PCNT: variants seen among roughly 807,000 people sequenced by gnomAD.
PCNT encodes pericentrin.
Under a neutral mutation model 380.4 loss-of-function variants are expected in PCNT, and 319 were observed. That is an observed-to-expected ratio of 0.84 (90% CI 0.77 to 0.92). The LOEUF (loss-of-function observed/expected upper bound fraction) is 0.92. PCNT is among the 40% of genes least tolerant of loss of function. PCNT has a pLI of 0.00. For synonymous variants in PCNT, 1,845 were observed against 1,735.2 expected (o/e 1.06, Z -1.57); for missense variants, 4,400 against 4,255.3 (o/e 1.03, Z -0.95).
intron 32 of PCNT, among the ~76,000 whole-genome samples, chr21:46,424,195 G>C (rs2087391564): frequency 6.6e-6 from 1 of 152,218 alleles, no homozygotes; most frequent in Non-Finnish European, 1.5e-5. Context: ...AGGAGGCTGA[G>C]AGGTCCTGAG....
In PCNT at chr21:46,381,736, G is replaced by A; in HGVS notation, c.3208G>A (p.Glu1070Lys). ...AAAGAAAACTGCTTTGCATGAAAAA[G>A]AGGAGACACTTCGGCTTCAGAGTGC... ...SEKKTALHEKEETLRLQSAQA... is the reference protein window; with the variant it reads ...SEKKTALHEKKETLRLQSAQA... Residue 1070 changes from glutamate to lysine, a missense_variant, in exon 16 of 47, where the codon GAG becomes AAG. By Grantham distance (56) the Glu-to-Lys change is moderately conservative (BLOSUM62 1). Coordinates refer to ENST00000359568, the MANE Select transcript of PCNT (RefSeq NM_006031.6). 1.2e-6 allele frequency: 2 copies of A among 1,614,174 alleles called. No homozygotes were observed. Among genetic ancestry groups the A allele is most frequent in the Non-Finnish European group, 1.7e-6 (2 of 1,179,990 alleles).
In PCNT at chr21:46,366,581, C is replaced by T. The variant is rs962689957; in HGVS notation, c.2610-3C>T. Reference sequence around the variant, plus strand: ...CTGTCCTGTGTTCACTTTGTTGCCGCAGGTTTTTAGAGGAACGTAAAGAGA... The same window carrying T: ...CTGTCCTGTGTTCACTTTGTTGCCGTAGGTTTTTAGAGGAACGTAAAGAGA... On this transcript the variant is annotated splice_region_variant and splice_polypyrimidine_tract_variant and intron_variant, in intron 14 of 46. Transcript: ENST00000359568. 3.1e-6 allele frequency: 5 copies of T among 1,613,232 alleles called. No homozygotes were observed. The highest frequency in any genetic ancestry group is 2.7e-5 in the African/African-American group (2 of 74,914).
intron 35 of PCNT, among the ~76,000 whole-genome samples, chr21:46,428,791 G>A (rs2087617655): frequency 6.6e-6 from 1 of 151,988 alleles, no homozygotes; most frequent in Middle Eastern, 3.2e-3. Flanking sequence ...TGGCACGGAG[G>A]CCTCACTCTT....
intron 3 of PCNT, among the ~76,000 whole-genome samples, chr21:46,344,451 G>A (rs1000660873): frequency 1.3e-5 from 2 of 152,226 alleles, no homozygotes; most frequent in Non-Finnish European, 2.9e-5. Context: ...CGCACAGGCA[G>A]CCCTTGTGGA....
intron 14 of PCNT, among the ~76,000 whole-genome samples, chr21:46,365,302 GTTCTATTCAC>G (rs2084863129): frequency 6.9e-6 from 1 of 144,484 alleles, no homozygotes; most frequent in Non-Finnish European, 1.5e-5. Flanking sequence ...CTGCCATGGG[GTTCTATTCAC>G]TGCCATGGGG....
chr21:46,355,718 C>T (rs1464832445), intron 12 of PCNT, 92 bp downstream of exon 12: 5 of 1,277,532 alleles, frequency 3.9e-6, no homozygotes, highest in South Asian at 1.2e-5. Flanking sequence ...GATCCAAGTC[C>T]TCCGTGAAGC....
At position 46,411,520 on chromosome 21, in the gene PCNT, C is replaced by T. The variant is rs756573217; in HGVS notation, c.5447C>T (p.Ala1816Val). 2.5e-6 allele frequency: 4 copies of T among 1,604,524 alleles called. No individual in the cohort carries two copies. The highest frequency in any genetic ancestry group is 2.5e-6 in the Non-Finnish European group (3 of 1,177,034). The change falls in exon 28 of 47, where the codon GCC (alanine) becomes GTC (valine). Residue 1816 changes from alanine to valine, a missense_variant. By Grantham distance (64) the Ala-to-Val change is moderately conservative. Coordinates refer to ENST00000359568, the MANE Select transcript of PCNT (RefSeq NM_006031.6). ...LADQERRHSQALEALQQRLQG... is the reference protein window; with the variant it reads ...LADQERRHSQVLEALQQRLQG... ...GACCAGGAGCGCAGGCACAGCCAGG[C>T]CCTGGAGGCCCTGCAGCAGCGCCTC...
In PCNT at chr21:46,334,417, G is replaced by A; in HGVS notation, c.288G>A (p.Glu96=). The A allele has an allele frequency of 1.2e-5, 19 of 1,614,212 alleles. No homozygotes were observed. Among genetic ancestry groups the A allele is most frequent in the Non-Finnish European group, 1.6e-5 (19 of 1,180,032 alleles). The change falls in exon 3 of 47, where the codon GAG becomes GAA. Residue 96 remains glutamate, a synonymous_variant. Coordinates refer to ENST00000359568, the MANE Select transcript of PCNT (RefSeq NM_006031.6). ...FAAQPEDCDG[E]KREDLEQLQQ... is the part of the protein sequence containing the mutation. ...CTTAGCCGGAGGACTGTGATGGAGA[G>A]AAGAGAGAGGACTTGGAACAGCTGC...
intron 35 of PCNT, among the ~76,000 whole-genome samples, chr21:46,429,674 T>G (rs1450404018): frequency 3.3e-5 from 5 of 152,168 alleles, no homozygotes; most frequent in Non-Finnish European, 7.4e-5. Flanking sequence ...GGGAGAATTT[T>G]CCAGTAAAGC....
At position 46,412,082 on chromosome 21, in the gene PCNT, C is replaced by T. The variant is rs768879717; in HGVS notation, c.5994+15C>T. 30 of 1,602,984 alleles carry T rather than the reference C, an allele frequency of 1.9e-5. No homozygotes were observed. The highest frequency in any genetic ancestry group is 8.8e-5 in the South Asian group (8 of 90,880). On this transcript the variant is annotated intron_variant, in intron 28 of 46. Transcript: ENST00000359568. ...CTGACCCACAGGTGGGCTCCCCCCGCGGGCCATGGCAGGGTATTTTTTTTT... is the reference window on the plus strand; with the variant it reads ...CTGACCCACAGGTGGGCTCCCCCCGTGGGCCATGGCAGGGTATTTTTTTTT...
In PCNT at chr21:46,425,742, C is replaced by T; in HGVS notation, c.7180-89C>T. The stretch of plus-strand genomic sequence containing the variant: ...CACAGCTGCCCGCCCTTCACAGAGT[C>T]CTGGCGGCAGCTCGGGGCCGCAGGT... On this transcript the variant is annotated intron_variant, in intron 32 of 46. Transcript: ENST00000359568. This position sits in a 1 kb window ranked among gnomAD's most constrained non-coding sequence, Gnocchi z 4.2. 2 of 1,585,718 alleles carry T rather than the reference C, an allele frequency of 1.3e-6. No individual in the cohort carries two copies. The highest frequency in any genetic ancestry group is 2.2e-5 in the South Asian group (2 of 90,318).
chr21:46,409,442 C>A (rs1190321257), intron 27 of PCNT, among the ~76,000 whole-genome samples: 1 of 152,308 alleles, frequency 6.6e-6, no homozygotes, highest in East Asian at 1.9e-4. Flanking sequence ...CCTGCCTTGG[C>A]CTCCCAAAGT....
At chr21:46,339,476 A>G (rs1332644822) in intron 3 of PCNT, among the ~76,000 whole-genome samples, 1 of 152,224 alleles carries the variant, frequency 6.6e-6, no homozygotes, top group Non-Finnish European at 1.5e-5. Flanking sequence ...GAGGTCCCAC[A>G]GTAAGCCATC....
In PCNT at chr21:46,390,835, G is replaced by T; in HGVS notation, c.4003+3G>T. On this transcript the variant is annotated splice_donor_region_variant and intron_variant, in intron 20 of 46. Coordinates refer to ENST00000359568, the MANE Select transcript of PCNT (RefSeq NM_006031.6). ...GCTGGAGCTGCACAAGACTCAGGGT[G>T]AGCAGCATGAGGCCTCGGGGCACCT... 6.2e-7 allele frequency: 1 copy of T among 1,606,938 alleles called. No individual in the cohort carries two copies. Among genetic ancestry groups the T allele is most frequent in the South Asian group, 1.1e-5 (1 of 90,326 alleles).
At chr21:46,341,550 A>G (rs973153293) in intron 3 of PCNT, among the ~76,000 whole-genome samples, 1 of 151,916 alleles carries the variant, frequency 6.6e-6, no homozygotes, top group Non-Finnish European at 1.5e-5. Flanking sequence ...ATTTTTTTGT[A>G]GAGATGGGAT....
chr21:46,365,953 T>C (rs35274838), intron 14 of PCNT, among the ~76,000 whole-genome samples: 128,831 of 147,410 alleles, frequency 0.87, 56,218 homozygotes, highest in African/African-American at 0.92. Context: ...TATTCACTGC[T>C]GTGGGGTTCT....
intron 13 of PCNT, among the ~76,000 whole-genome samples, chr21:46,360,118 A>C (rs1005563079): frequency 4.0e-5 from 6 of 151,738 alleles, no homozygotes; most frequent in African/African-American, 1.5e-4. Flanking sequence ...CGGCCTCCCA[A>C]AGTGCTGGGA....
chr21:46,371,979 C>G (rs2085151641), intron 15 of PCNT, among the ~76,000 whole-genome samples: 1 of 150,428 alleles, frequency 6.6e-6, no homozygotes, highest in South Asian at 2.2e-4. Flanking sequence ...AGCACATACA[C>G]ACATGCAGCA....
rs375240467 is a variant in PCNT, at chr21:46,342,455, C to CA, written c.640-3672dup. ...TTGTACTAGTTTACGTTCCCACCAG[C>CA]AGTGCAAAGGTTTTCTGTTTTCACT... On this transcript the variant is annotated intron_variant, in intron 3 of 46. Transcript: ENST00000359568. 4.9e-4 allele frequency among the ~76,000 whole-genome samples: 75 copies of CA among 152,006 alleles called. No individual in the cohort carries two copies. In the East Asian group the frequency reaches 0.014, roughly 28 times the overall value.
Sources: allele counts gnomAD v4.1 joint callset (sites outside exome capture counted in the v4.1 genomes callset), GRCh38; gene constraint gnomAD v4.1.1; non-coding constraint Gnocchi (gnomAD v3.1); transcripts MANE v1.5; gene names NCBI Gene and HGNC (gene_info 2026-07-23, HGNC 2026-07-21).